TENM4: variants seen among roughly 807,000 people sequenced by gnomAD.
TENM4 encodes the protein teneurin transmembrane protein 4.
A neutral mutation model predicts 243.3 loss-of-function variants in TENM4; 82 were observed. The ratio of observed to expected loss-of-function variants is 0.34; its 90% CI spans 0.28 to 0.40. The LOEUF is 0.40. Ranked by LOEUF, TENM4 falls within the 10% of genes least tolerant of loss-of-function variation. The probability of loss-of-function intolerance (pLI) is 1.00; values close to 1 mark genes in which losing one functional copy is unlikely to be tolerated. For missense variants in TENM4, 3,138 were observed against 3,673.3 expected, an observed-to-expected ratio of 0.85 and a Z score of 3.77; for synonymous variants, 1,412 against 1,456.3, an observed-to-expected ratio of 0.97 and a Z score of 0.69.
chr11:79,215,441 T>A (rs1305687780), intron 3 of TENM4, among the ~76,000 whole-genome samples: 1 of 151,836 alleles, frequency 6.6e-6, no homozygotes, highest in Non-Finnish European at 1.5e-5. Context: ...CCTGGTCTCC[T>A]GTACCCAAGA....
At chr11:78,881,432 C>T (rs750017194) in intron 9 of TENM4, among the ~76,000 whole-genome samples, 3 of 152,120 alleles carry the variant, frequency 2.0e-5, no homozygotes, top group African/African-American at 4.8e-5. Flanking sequence ...GCTCCCTCAC[C>T]GCCATGCCTC....
At chr11:79,195,008 C>T (rs532471302) in intron 3 of TENM4, among the ~76,000 whole-genome samples, 8 of 152,284 alleles carry the variant, frequency 5.3e-5, no homozygotes, top group African/African-American at 1.9e-4. Flanking sequence ...CCCTGTGTCC[C>T]AGCCACTCCA....
chr11:78,788,942 C>T (rs1624268), intron 15 of TENM4, among the ~76,000 whole-genome samples: 115,967 of 151,878 alleles, frequency 0.76, 45,316 homozygotes, highest in Non-Finnish European at 0.85. Context: ...GGCTGAAAAG[C>T]ACCCCCTCCT....
intron 6 of TENM4, among the ~76,000 whole-genome samples, chr11:78,912,379 C>T (rs538913555): frequency 3.5e-4 from 53 of 152,204 alleles, no homozygotes; most frequent in African/African-American, 1.2e-3. Flanking sequence ...CTCAGCCTCC[C>T]GAGTAGTTGG....
chr11:79,157,839 T>G (rs190109994), intron 3 of TENM4, among the ~76,000 whole-genome samples: 1 of 152,300 alleles, frequency 6.6e-6, no homozygotes, highest in East Asian at 1.9e-4. Context: ...CCTTGGACAG[T>G]GTATTTTTAC....
In TENM4 at chr11:79,424,633, C is replaced by CA. The variant is rs58550229; in HGVS notation, c.-321+15875dup. The stretch of plus-strand genomic sequence containing the variant: ...GGGCAATAGAACCAGACCCTGTCTC[C>CA]AAAAAAAAAAAATACAAAAAGGCTG... On this transcript the variant is annotated intron_variant, in intron 1 of 33. Transcript: ENST00000278550. Among the ~76,000 whole-genome samples the CA allele has an allele frequency of 8.1e-3, 1,085 of 134,110 alleles. 13 individuals carry two copies. The highest frequency in any genetic ancestry group is 0.022 in the African/African-American group (806 of 36,386). 88.0% of individuals were successfully genotyped at this position (134,110 alleles called of 152,430 possible).
chr11:79,374,552 CTATATAGA>C (rs1565320230), intron 1 of TENM4, among the ~76,000 whole-genome samples: 1 of 150,834 alleles, frequency 6.6e-6, no homozygotes, highest in Non-Finnish European at 1.5e-5. Flanking sequence ...ATCTATATAT[CTATATAGA>C]TATAGATATA....
intron 3 of TENM4, among the ~76,000 whole-genome samples, chr11:79,171,478 A>G (rs2135116961): frequency 6.6e-6 from 1 of 152,336 alleles, no homozygotes; most frequent in Non-Finnish European, 1.5e-5. Context: ...TTAGTGCCTA[A>G]ACAAAAGCTT....
chr11:79,383,127 C>T (rs1419126757), intron 1 of TENM4, among the ~76,000 whole-genome samples: 1 of 152,156 alleles, frequency 6.6e-6, no homozygotes, highest in African/African-American at 2.4e-5. Flanking sequence ...CCCTCTGAGT[C>T]CCCTTTCTGG....
intron 6 of TENM4, among the ~76,000 whole-genome samples, chr11:79,032,180 G>T (rs1032634544): frequency 2.0e-5 from 3 of 152,190 alleles, no homozygotes; most frequent in South Asian, 2.1e-4. Context: ...GATGACAGGG[G>T]TTTGGGATTC....
intron 17 of TENM4, among the ~76,000 whole-genome samples, chr11:78,773,362 G>T (rs1856679070): frequency 6.6e-6 from 1 of 152,170 alleles, no homozygotes; most frequent in Admixed American, 6.5e-5. Flanking sequence ...CTTATAAAAT[G>T]GGGTTTTGGG....
intron 1 of TENM4, among the ~76,000 whole-genome samples, chr11:79,414,906 G>A (rs1858780232): frequency 6.6e-6 from 1 of 152,162 alleles, no homozygotes; most frequent in Non-Finnish European, 1.5e-5. Context: ...CATTAATTCT[G>A]ATCATTTAGA....
chr11:78,675,032 A>AT (rs1216085838), intron 30 of TENM4, among the ~76,000 whole-genome samples: 1 of 151,638 alleles, frequency 6.6e-6, no homozygotes, highest in Non-Finnish European at 1.5e-5. Flanking sequence ...TACCCAGCTA[A>AT]TTTTTTGTAT....
At chr11:78,899,761 T>C (rs1041693457) in intron 7 of TENM4, among the ~76,000 whole-genome samples, 3 of 152,026 alleles carry the variant, frequency 2.0e-5, no homozygotes, top group African/African-American at 7.3e-5. Context: ...CCCACCCCTC[T>C]CTCTGTTGCC....
chr11:78,876,030 G>A (rs375883066), intron 9 of TENM4, among the ~76,000 whole-genome samples: 4 of 152,266 alleles, frequency 2.6e-5, no homozygotes, highest in Non-Finnish European at 4.4e-5. Flanking sequence ...GAGGCAGCAC[G>A]GTCTGCATAG....
At chr11:78,883,268 A>G (rs1046520199) in intron 9 of TENM4, among the ~76,000 whole-genome samples, 1 of 152,194 alleles carries the variant, frequency 6.6e-6, no homozygotes, top group Non-Finnish European at 1.5e-5. Context: ...GCGTTTTTCA[A>G]CATCATCTCA....
intron 4 of TENM4, among the ~76,000 whole-genome samples, chr11:79,117,482 G>C (rs923474199): frequency 1.3e-5 from 2 of 152,302 alleles, no homozygotes; most frequent in African/African-American, 4.8e-5. Context: ...GGGCTATCAG[G>C]GGCTGGGCTC....
At chr11:79,297,050 C>T (rs1480215148) in intron 2 of TENM4, among the ~76,000 whole-genome samples, 3 of 152,200 alleles carry the variant, frequency 2.0e-5, no homozygotes, top group African/African-American at 7.2e-5. Flanking sequence ...CCTAAGGTCA[C>T]AGAGCAGGTC....
chr11:78,998,577 A>T (rs919294572), intron 6 of TENM4, among the ~76,000 whole-genome samples: 7 of 131,556 alleles, frequency 5.3e-5, no homozygotes, highest in African/African-American at 1.9e-4. Flanking sequence ...GCTATATTTT[A>T]GGTAAGAACA....
Sources: allele counts gnomAD v4.1 joint callset (sites outside exome capture counted in the v4.1 genomes callset), GRCh38; gene constraint gnomAD v4.1.1; transcripts MANE v1.5; gene names NCBI Gene and HGNC (gene_info 2026-07-23, HGNC 2026-07-21).